The following GBF1 variants were observed in gnomAD, a reference collection of about 807,000 sequenced individuals.
GBF1 encodes Golgi-specific brefeldin A-resistance guanine nucleotide exchange factor 1.
Under a neutral mutation model 210.5 loss-of-function variants are expected in GBF1, and 114 were observed. That is an observed-to-expected ratio of 0.54 (90% CI 0.47 to 0.63). The LOEUF (loss-of-function observed/expected upper bound fraction) is 0.63, where lower values mean the gene tolerates loss of function less well. GBF1 is among the 30% of genes least tolerant of loss of function. The pLI is 0.00. For synonymous variants in GBF1, 850 were observed against 889.2 expected, an observed-to-expected ratio of 0.96 and a Z score of 0.78; for missense variants, 1,851 against 2,357.7, an observed-to-expected ratio of 0.79 and a Z score of 4.45.
intron 3 of GBF1, among the ~76,000 whole-genome samples, chr10:102,282,358 T>C (rs560144694): frequency 6.6e-6 from 1 of 152,292 alleles, no homozygotes; most frequent in South Asian, 2.1e-4. Flanking sequence ...GGTTATACAG[T>C]AAAAGCTTCT....
chr10:102,362,455 T>C lies in GBF1; in HGVS notation c.1687-20T>C. ...AGTGTTCTCCTAACTACAAGTCCAATTGATCTGTTTACTTTCCAGAATGCC... is the reference window on the plus strand; with the variant it reads ...AGTGTTCTCCTAACTACAAGTCCAACTGATCTGTTTACTTTCCAGAATGCC... On this transcript the variant is annotated intron_variant, in intron 14 of 39. Transcript: ENST00000369983. 6.4e-7 allele frequency: 1 copy of C among 1,554,250 alleles called. No homozygotes were observed. The highest frequency in any genetic ancestry group is 8.9e-7 in the Non-Finnish European group (1 of 1,129,178).
At chr10:102,280,180 TAG>T (rs2133439359) in intron 3 of GBF1, among the ~76,000 whole-genome samples, 1 of 148,870 alleles carries the variant, frequency 6.7e-6, no homozygotes, top group East Asian at 2.0e-4. Context: ...AGAAAACAAC[TAG>T]AGAGTCAGAA....
Position 102,380,372 on chromosome 10 carries a change from A to G in GBF1, c.4992+10A>G, listed in dbSNP as rs747285868. 15 of 1,600,706 alleles carry G rather than the reference A, an allele frequency of 9.4e-6. No homozygotes were observed. Among genetic ancestry groups the G allele is most frequent in the East Asian group, 6.7e-5 (3 of 44,810 alleles). On this transcript the variant is annotated intron_variant, in intron 37 of 39. Coordinates refer to ENST00000369983, the MANE Select transcript of GBF1 (RefSeq NM_001377137.1). Reference sequence around the variant, plus strand: ...CTCCAGCGACTTACTGGTATGTTCTACCTCAGCTCTGCTGCCTGCCTCCTG... The same window carrying G: ...CTCCAGCGACTTACTGGTATGTTCTGCCTCAGCTCTGCTGCCTGCCTCCTG...
intron 3 of GBF1, among the ~76,000 whole-genome samples, chr10:102,310,043 G>A (rs2078270350): frequency 6.6e-6 from 1 of 152,166 alleles, no homozygotes; most frequent in African/African-American, 2.4e-5. Flanking sequence ...AGTTGTACTG[G>A]GTATTATGGA....
chr10:102,305,131 T>A (rs1475540015), intron 3 of GBF1, among the ~76,000 whole-genome samples: 1 of 151,782 alleles, frequency 6.6e-6, no homozygotes, highest in Non-Finnish European at 1.5e-5. Context: ...GATCCAGCAA[T>A]GGGCTTCAGG....
chr10:102,319,318 T>TCAACAA (rs199689302), intron 3 of GBF1, among the ~76,000 whole-genome samples: 2 of 151,740 alleles, frequency 1.3e-5, no homozygotes, highest in Non-Finnish European at 2.9e-5. Flanking sequence ...AGACTCCGTC[T>TCAACAA]CAACAACAAC....
intron 29 of GBF1, among the ~76,000 whole-genome samples, 157 bp downstream of exon 29, chr10:102,371,017 C>T (rs142204780): frequency 1.3e-5 from 2 of 152,252 alleles, no homozygotes; most frequent in East Asian, 3.9e-4. Flanking sequence ...GCGGGTGGTA[C>T]TGGGAGTGAG....
intron 24 of GBF1, 148 bp from the exon 25 acceptor site, chr10:102,369,563 G>A: frequency 1.2e-6 from 1 of 861,272 alleles, no homozygotes; most frequent in Non-Finnish European, 1.9e-6. Flanking sequence ...GTAAAAGAAG[G>A]CTGGTAGATG....
chr10:102,362,705 G>A (rs755431859), intron 15 of GBF1, 41 bp downstream of exon 15: 4 of 1,484,684 alleles, frequency 2.7e-6, no homozygotes, highest in East Asian at 2.3e-5. Context: ...AGTGTTCTAT[G>A]CTTATCCCTT....
At chr10:102,337,405 T>A in intron 3 of GBF1, among the ~76,000 whole-genome samples, 2 of 149,676 alleles carry the variant, frequency 1.3e-5, no homozygotes, top group South Asian at 2.1e-4. Context: ...CTGCAGTGGA[T>A]TGACATAAAG....
intron 2 of GBF1, among the ~76,000 whole-genome samples, chr10:102,259,383 G>A (rs918287417): frequency 6.6e-6 from 1 of 152,052 alleles, no homozygotes; most frequent in Admixed American, 6.5e-5. Flanking sequence ...AATCAGGGTA[G>A]TTATTGATAC....
At chr10:102,268,947 G>A (rs1589428567) in intron 3 of GBF1, among the ~76,000 whole-genome samples, 1 of 152,206 alleles carries the variant, frequency 6.6e-6, no homozygotes, top group African/African-American at 2.4e-5. Flanking sequence ...AAGGGTAATA[G>A]ATGGAGAGCA....
At chr10:102,289,131 G>T (rs1184172390) in intron 3 of GBF1, among the ~76,000 whole-genome samples, 1 of 151,194 alleles carries the variant, frequency 6.6e-6, no homozygotes, top group Non-Finnish European at 1.5e-5. Flanking sequence ...AGCCTTAGGA[G>T]TTATTTACTA....
At chr10:102,372,045 G>A (rs1020346532) in intron 29 of GBF1, among the ~76,000 whole-genome samples, 8 of 151,340 alleles carry the variant, frequency 5.3e-5, no homozygotes, top group Admixed American at 1.3e-4. Flanking sequence ...GTGAAACCCC[G>A]TCTCTACTAA....
intron 3 of GBF1, among the ~76,000 whole-genome samples, chr10:102,271,600 T>A (rs2074430827): frequency 6.6e-6 from 1 of 151,942 alleles, no homozygotes; most frequent in African/African-American, 2.4e-5. Context: ...GATTTGTCTG[T>A]GTCCTTGTGG....
intron 3 of GBF1, among the ~76,000 whole-genome samples, chr10:102,298,007 T>G (rs563518630): frequency 3.3e-5 from 5 of 152,298 alleles, no homozygotes; most frequent in Admixed American, 1.3e-4. Context: ...CAATCTCAGC[T>G]CACTGCAACC....
Position 102,377,077 on chromosome 10 carries a change from T to C in GBF1, c.4431T>C (p.Asp1477=), listed in dbSNP as rs1019308806. 4 of 1,614,126 alleles carry C rather than the reference T, an allele frequency of 2.5e-6. No individual in the cohort carries two copies. The highest frequency in any genetic ancestry group is 3.3e-5 in the Admixed American group (2 of 60,024). ...SQHASRGGQS[D]DDEDEGVPAS... ...ATGCCTCTCGGGGCGGGCAGAGTGA[T>C]GATGATGAGGACGAAGGCGTGCCTG... is the stretch of plus-strand genomic sequence containing the variant. Residue 1477 remains aspartate, a synonymous_variant, in exon 33 of 40, where the codon GAT becomes GAC. Coordinates refer to ENST00000369983, the MANE Select transcript of GBF1 (RefSeq NM_001377137.1).
intron 8 of GBF1, among the ~76,000 whole-genome samples, chr10:102,355,892 T>C (rs1183197739): frequency 6.6e-6 from 1 of 152,198 alleles, no homozygotes; most frequent in African/African-American, 2.4e-5. Context: ...CCCATAACAT[T>C]TTTTACTATG....
At chr10:102,381,989 G>A in intron 39 of GBF1, 67 bp from the exon 40 acceptor site, 7 of 1,340,094 alleles carry the variant, frequency 5.2e-6, no homozygotes, top group Non-Finnish European at 7.1e-6. Context: ...GCAGCCAGCT[G>A]GGCAATGTGA....
Sources: gnomAD v4.1 joint callset for allele counts (sites outside exome capture counted in the v4.1 genomes callset) on GRCh38, gnomAD v4.1.1 for gene constraint, MANE v1.5 for transcripts, NCBI Gene and HGNC (gene_info 2026-07-23, HGNC 2026-07-21) for gene names.